Variants in RABGAP1L observed in about 807,000 individuals in gnomAD.
RABGAP1L encodes RAB GTPase activating protein 1 like, also known as rab GTPase-activating protein 1-like.
In RABGAP1L, 63 loss-of-function variants were observed where a neutral mutation model predicts 137.7. The ratio of observed to expected loss-of-function variants is 0.46; its 90% CI spans 0.37 to 0.56. The LOEUF (loss-of-function observed/expected upper bound fraction) is 0.56. RABGAP1L is among the 20% of genes least tolerant of loss of function. The pLI, the probability that RABGAP1L is intolerant of heterozygous loss-of-function variation, is 0.00. For missense variants in RABGAP1L, 1,095 were observed against 1,244.0 expected (o/e 0.88, Z 1.80); for synonymous variants, 431 against 433.7 (o/e 0.99, Z 0.08).
At chr1:174,670,769 C>T (rs1477656031) in intron 14 of RABGAP1L, among the ~76,000 whole-genome samples, 1 of 152,102 alleles carries the variant, frequency 6.6e-6, no homozygotes, top group Non-Finnish European at 1.5e-5. Context: ...TTTATGTGTA[C>T]CACATATTCT....
intron 19 of RABGAP1L, chr1:174,922,412 T>C: frequency 5.7e-6 from 1 of 175,998 alleles, no homozygotes; most frequent in Non-Finnish European, 1.3e-5. Flanking sequence ...CTTTTTGGCA[T>C]GACCATTGTT....
chr1:174,596,485 G>C (rs1669933571), intron 13 of RABGAP1L, among the ~76,000 whole-genome samples: 1 of 152,016 alleles, frequency 6.6e-6, no homozygotes, highest in Non-Finnish European at 1.5e-5. Context: ...TTGCAAATTG[G>C]ATTCTTAAAT....
At chr1:174,940,448 T>A (rs58030712) in intron 19 of RABGAP1L, among the ~76,000 whole-genome samples, 55,678 of 151,288 alleles carry the variant, frequency 0.37, 13,416 homozygotes, top group African/African-American at 0.69. Context: ...AATTTTTTTT[T>A]AAAATTTTTT....
intron 7 of RABGAP1L, among the ~76,000 whole-genome samples, chr1:174,269,578 G>C (rs1187074858): frequency 6.6e-6 from 1 of 151,922 alleles, no homozygotes; most frequent in Non-Finnish European, 1.5e-5. Flanking sequence ...GTAGAGCCTG[G>C]CTTAAAGTTA....
intron 11 of RABGAP1L, among the ~76,000 whole-genome samples, chr1:174,355,283 A>G (rs553659376): frequency 3.9e-5 from 6 of 152,216 alleles, no homozygotes; most frequent in South Asian, 2.1e-4. Flanking sequence ...CTATGCAGCC[A>G]TAAAAAATGA....
chr1:174,536,463 C>A (rs889536659), intron 13 of RABGAP1L, among the ~76,000 whole-genome samples: 2 of 151,878 alleles, frequency 1.3e-5, no homozygotes, highest in Non-Finnish European at 2.9e-5. Context: ...TCCAGGATAA[C>A]TGAGAATGAT....
At chr1:174,344,932 T>G (rs981427961) in intron 11 of RABGAP1L, among the ~76,000 whole-genome samples, 1 of 152,192 alleles carries the variant, frequency 6.6e-6, no homozygotes, top group African/African-American at 2.4e-5. Flanking sequence ...GGTCTTAGAT[T>G]TAAATCTTTA....
chr1:174,965,751 C>G (rs575377528), intron 20 of RABGAP1L, among the ~76,000 whole-genome samples: 2 of 152,352 alleles, frequency 1.3e-5, no homozygotes, highest in Admixed American at 1.3e-4. Context: ...GAGCAGGAGT[C>G]TGACACTTCC....
At chr1:174,284,903 A>G (rs1338422318) in intron 10 of RABGAP1L, among the ~76,000 whole-genome samples, 1 of 151,674 alleles carries the variant, frequency 6.6e-6, no homozygotes, top group Non-Finnish European at 1.5e-5. Context: ...TTGAATCTAT[A>G]GATTTCTTTG....
chr1:174,225,942 T>C (rs1571639470), intron 3 of RABGAP1L, among the ~76,000 whole-genome samples: 1 of 152,274 alleles, frequency 6.6e-6, no homozygotes, highest in Admixed American at 6.5e-5. Flanking sequence ...TTTCTTTTCC[T>C]CCAGATTGTA....
At chr1:174,801,304 A>G (rs1422008542) in intron 18 of RABGAP1L, among the ~76,000 whole-genome samples, 3 of 152,196 alleles carry the variant, frequency 2.0e-5, no homozygotes, top group Admixed American at 2.0e-4. Flanking sequence ...GGAGTTTAAT[A>G]CCATTTTAGA....
chr1:174,399,259 C>G (rs556746627), intron 13 of RABGAP1L, among the ~76,000 whole-genome samples: 24 of 152,060 alleles, frequency 1.6e-4, no homozygotes, highest in Non-Finnish European at 2.2e-4. Flanking sequence ...ATGACAAGTG[C>G]CTGTAGCCAA....
intron 17 of RABGAP1L, among the ~76,000 whole-genome samples, chr1:174,706,391 T>A (rs1405960797): frequency 6.6e-6 from 1 of 152,174 alleles, no homozygotes; most frequent in Admixed American, 6.5e-5. Context: ...TGAGTGAAAA[T>A]CTGTTTTGAT....
At chr1:174,661,643 A>T (rs755452297) in intron 14 of RABGAP1L, among the ~76,000 whole-genome samples, 32 of 152,174 alleles carry the variant, frequency 2.1e-4, no homozygotes, top group Non-Finnish European at 4.1e-4. Flanking sequence ...TTATAGGCTA[A>T]TGCAGCAATA....
chr1:174,617,762 A>T (rs1308323412), intron 13 of RABGAP1L, among the ~76,000 whole-genome samples: 2 of 152,186 alleles, frequency 1.3e-5, no homozygotes, highest in Admixed American at 6.5e-5. Flanking sequence ...GCCAAATAGG[A>T]ACAGCTCCAG....
At position 174,280,048 on chromosome 1, in the gene RABGAP1L, G is replaced by GGAGAGAGAGAGAGA. The variant is rs59262212; in HGVS notation, c.1323+1300_1323+1313dup. On this transcript the variant is annotated intron_variant, in intron 10 of 25. Coordinates refer to ENST00000681986, the MANE Select transcript of RABGAP1L (RefSeq NM_001366446.1). ...AGTACTTTTGACTGTCTGTCTGCCT[G>GGAGAGAGAGAGAGA]GAGAGAGAGAGAGAGAGAGAGAGAG... 2.0e-3 allele frequency among the ~76,000 whole-genome samples: 248 copies of GGAGAGAGAGAGAGA among 125,292 alleles called. 4 individuals carry two copies. The highest frequency in any genetic ancestry group is 4.1e-3 in the African/African-American group (138 of 33,714). 82.2% of individuals were successfully genotyped at this position (125,292 alleles called of 152,430 possible). A position where few individuals can be genotyped will look rare whatever the true frequency, so the allele number is the denominator to read the frequency against.
intron 13 of RABGAP1L, among the ~76,000 whole-genome samples, chr1:174,528,474 T>C (rs1340514418): frequency 1.3e-5 from 2 of 151,974 alleles, no homozygotes; most frequent in Non-Finnish European, 2.9e-5. Flanking sequence ...TTTTGTTTGC[T>C]ATGGTATCCT....
chr1:174,453,541 G>A (rs1490103856), intron 13 of RABGAP1L, among the ~76,000 whole-genome samples: 1 of 152,168 alleles, frequency 6.6e-6, no homozygotes, highest in Non-Finnish European at 1.5e-5. Flanking sequence ...ATAGCATCAT[G>A]TATGTGTAGG....
intron 13 of RABGAP1L, among the ~76,000 whole-genome samples, chr1:174,404,376 A>G (rs2149110729): frequency 6.6e-6 from 1 of 152,288 alleles, no homozygotes; most frequent in East Asian, 1.9e-4. Flanking sequence ...TTATCCAGAA[A>G]GCCTTTGAGA....
Sources: allele counts gnomAD v4.1 joint callset (sites outside exome capture counted in the v4.1 genomes callset), GRCh38; gene constraint gnomAD v4.1.1; transcripts MANE v1.5; gene names NCBI Gene and HGNC (gene_info 2026-07-23, HGNC 2026-07-21).